LIFR: variants seen among roughly 807,000 people sequenced by gnomAD.
LIFR encodes the protein LIF receptor subunit alpha.
A neutral mutation model predicts 122.2 loss-of-function variants in LIFR; 84 were observed. That is an observed-to-expected ratio of 0.69 (90% CI 0.58 to 0.82). The LOEUF is 0.82. LIFR is among the 40% of genes least tolerant of loss of function. LIFR has a pLI of 0.00. For missense variants in LIFR, 1,294 were observed against 1,311.6 expected, an observed-to-expected ratio of 0.99 and a Z score of 0.21; for synonymous variants, 422 against 434.7, an observed-to-expected ratio of 0.97 and a Z score of 0.36.
At chr5:38,585,923 G>C (rs1429450235) in intron 1 of LIFR, among the ~76,000 whole-genome samples, 1 of 152,000 alleles carries the variant, frequency 6.6e-6, no homozygotes, top group Non-Finnish European at 1.5e-5. Flanking sequence ...TCCCCACCAA[G>C]AGAGCATGAT....
chr5:38,597,718 G>A (rs941561483), upstream of LIFR, among the ~76,000 whole-genome samples: 2 of 152,112 alleles, frequency 1.3e-5, no homozygotes, highest in African/African-American at 2.4e-5. Flanking sequence ...CTGGAGTGAC[G>A]GAGAGGGAAT....
In LIFR at chr5:38,481,928, T is replaced by C. The variant is rs767110883; in HGVS notation, c.2961A>G (p.Pro987=). ...VQSMYQPQAK[P]EEEQENDPVG... The stretch of plus-strand genomic sequence containing the variant: ...CAGGGTCATTTTCTTGTTCTTCTTC[T>C]GGTTTTGCTTGAGGCTGATACATCG... The change falls in exon 20 of 20, where the codon CCA becomes CCG. Residue 987 remains proline, a synonymous_variant. Transcript: ENST00000453190. 5.0e-6 allele frequency: 8 copies of C among 1,614,206 alleles called. No homozygotes were observed. Among genetic ancestry groups the C allele is most frequent in the Non-Finnish European group, 6.8e-6 (8 of 1,180,046 alleles).
At chr5:38,540,046 A>C (rs1450552956) in intron 1 of LIFR, among the ~76,000 whole-genome samples, 2 of 152,142 alleles carry the variant, frequency 1.3e-5, no homozygotes, top group African/African-American at 4.8e-5. Flanking sequence ...TGCAAATCTC[A>C]GCTCCAGGCC....
At chr5:38,597,913 C>CAT (rs981848642), upstream of LIFR, among the ~76,000 whole-genome samples, 1 of 152,044 alleles carries the variant, frequency 6.6e-6, no homozygotes, top group Non-Finnish European at 1.5e-5. Flanking sequence ...GCATAAAGCA[C>CAT]ATACAGTGCA....
chr5:38,479,853 T>G lies in LIFR; in HGVS notation c.*1742A>C. 4.4e-6 allele frequency: 1 copy of G among 227,046 alleles called. No homozygotes were observed. Among genetic ancestry groups the G allele is most frequent in the Non-Finnish European group, 8.8e-6 (1 of 114,184 alleles). 14.1% of individuals were successfully genotyped at this position (227,046 alleles called of 1,614,324 possible). A position where few individuals can be genotyped will look rare whatever the true frequency, so the allele number is the denominator to read the frequency against. ...TTCATTACTGAACATTTCTATGAAC[T>G]ATTATATAGTTTTAATATACTATGT... is the stretch of plus-strand genomic sequence containing the variant. On this transcript the variant is annotated 3_prime_UTR_variant, in exon 20 of 20. Transcript: ENST00000453190.
intron 12 of LIFR, among the ~76,000 whole-genome samples, chr5:38,498,393 C>T (rs1416038160): frequency 6.6e-6 from 1 of 152,180 alleles, no homozygotes; most frequent in Non-Finnish European, 1.5e-5. Context: ...TTTCACCTTG[C>T]ATCTCCAAGT....
intron 1 of LIFR, among the ~76,000 whole-genome samples, chr5:38,578,762 G>C (rs1259134515): frequency 6.6e-6 from 1 of 152,108 alleles, no homozygotes; most frequent in Non-Finnish European, 1.5e-5. Context: ...TCACCATGTT[G>C]GATAGGCTGG....
chr5:38,557,382 T>A (rs183242161), upstream of LIFR: 10 of 154,412 alleles, frequency 6.5e-5, no homozygotes, highest in East Asian at 1.9e-3. Context: ...AGCAGAGTAA[T>A]CACCAAATGA....
intron 1 of LIFR, among the ~76,000 whole-genome samples, chr5:38,581,043 A>AG (rs915422373): frequency 8.0e-4 from 122 of 152,266 alleles, no homozygotes; most frequent in African/African-American, 2.8e-3. Context: ...CATCTATAAA[A>AG]AAAGGATCAT....
At chr5:38,559,932 T>C (rs75444219), upstream of LIFR, among the ~76,000 whole-genome samples, 1,385 of 152,354 alleles carry the variant, frequency 9.1e-3, 122 homozygotes, top group East Asian at 0.2. Flanking sequence ...TATAATAATG[T>C]TTAAATGAAA....
chr5:38,507,048 T>A (rs75193944), intron 7 of LIFR, among the ~76,000 whole-genome samples: 10 of 152,140 alleles, frequency 6.6e-5, no homozygotes, highest in African/African-American at 1.2e-4. Flanking sequence ...CCAAATCATA[T>A]TGAAAATCAG....
At chr5:38,581,174 T>C (rs1448049095) in intron 1 of LIFR, among the ~76,000 whole-genome samples, 6 of 152,106 alleles carry the variant, frequency 3.9e-5, no homozygotes, top group Non-Finnish European at 2.9e-5. Context: ...TTAGCTGATT[T>C]CCCTGGTACT....
At chr5:38,486,979 C>T (rs890138634) in intron 16 of LIFR, among the ~76,000 whole-genome samples, 1 of 152,144 alleles carries the variant, frequency 6.6e-6, no homozygotes, top group Non-Finnish European at 1.5e-5. Flanking sequence ...CCCTCATTTG[C>T]TTGATTTTCT....
At chr5:38,590,723 C>A (rs1749895955) in intron 1 of LIFR, among the ~76,000 whole-genome samples, 3 of 152,144 alleles carry the variant, frequency 2.0e-5, no homozygotes, top group Admixed American at 2.0e-4. Context: ...TAAATTTGTA[C>A]AACTATTCAG....
intron 1 of LIFR, among the ~76,000 whole-genome samples, chr5:38,575,695 C>G (rs946865334): frequency 6.6e-6 from 1 of 152,114 alleles, no homozygotes; most frequent in African/African-American, 2.4e-5. Flanking sequence ...TTACACAGTC[C>G]GCTGATCCAG....
intron 1 of LIFR, among the ~76,000 whole-genome samples, chr5:38,572,712 A>G (rs1170405028): frequency 2.6e-5 from 4 of 152,184 alleles, no homozygotes; most frequent in Non-Finnish European, 4.4e-5. Flanking sequence ...ATTGAAATGA[A>G]TTTGCCATGG....
intron 1 of LIFR, among the ~76,000 whole-genome samples, chr5:38,533,356 T>C (rs555241112): frequency 2.0e-5 from 3 of 152,212 alleles, no homozygotes; most frequent in Non-Finnish European, 2.9e-5. Context: ...TCTATTTCTT[T>C]ACACATATGC....
chr5:38,603,364 C>T (rs1009679532), intron 2 of LIFR, among the ~76,000 whole-genome samples: 1 of 152,196 alleles, frequency 6.6e-6, no homozygotes, highest in African/African-American at 2.4e-5. Flanking sequence ...TACCTTCCAC[C>T]AGTCACACTA....
upstream of LIFR, among the ~76,000 whole-genome samples, chr5:38,598,253 TTTTTTTC>T (rs1217627093): frequency 0.022 from 1,277 of 58,810 alleles, 216 homozygotes; most frequent in African/African-American, 0.089. Context: ...TTATTTTTTT[TTTTTTTC>T]TTTTTAGAGG....
Sources: allele counts gnomAD v4.1 joint callset (sites outside exome capture counted in the v4.1 genomes callset), GRCh38; gene constraint gnomAD v4.1.1; transcripts MANE v1.5; gene names NCBI Gene and HGNC (gene_info 2026-07-23, HGNC 2026-07-21).